Variants in ZFP1 observed in about 807,000 individuals in gnomAD.
ZFP1 encodes the protein ZFP1 zinc finger protein, also known as zinc finger protein 1 homolog.
In ZFP1, 32 loss-of-function variants were observed where a neutral mutation model predicts 38.5. The ratio of observed to expected loss-of-function variants is 0.83; its 90% CI spans 0.63 to 1.12. The LOEUF (loss-of-function observed/expected upper bound fraction) is 1.12, where lower values mean the gene tolerates loss of function less well. Ranked by LOEUF, ZFP1 falls within the 50% of genes most tolerant of loss-of-function variation. The pLI is 0.00. For synonymous variants in ZFP1, 245 were observed against 168.8 expected (o/e 1.45, Z -3.50); for missense variants, 616 against 480.8 (o/e 1.28, Z -2.63).
the ZFP1 span, among the ~76,000 whole-genome samples, chr16:75,132,942 A>G: frequency 1.3e-5 from 2 of 150,462 alleles, no homozygotes; most frequent in Admixed American, 6.7e-5. Context: ...TACAGGCATG[A>G]GCCACCACGC....
At chr16:75,146,162 AT>A (rs201868781), upstream of ZFP1, among the ~76,000 whole-genome samples, 25,860 of 141,440 alleles carry the variant, frequency 0.18, 2,882 homozygotes, top group East Asian at 0.6. Flanking sequence ...AACCATGCTA[AT>A]TTTTTTTTTT....
chr16:75,158,521 AT>A (rs920614259), intron 2 of ZFP1, among the ~76,000 whole-genome samples: 1 of 146,922 alleles, frequency 6.8e-6, no homozygotes. Flanking sequence ...AATTTTTTTT[AT>A]TTTTTTTGTC....
the ZFP1 span, among the ~76,000 whole-genome samples, chr16:75,123,475 A>G: frequency 0.15 from 18,591 of 120,792 alleles, 2,852 homozygotes; most frequent in East Asian, 0.57. Flanking sequence ...ATATATATAT[A>G]TATATATATA....
chr16:75,128,029 C>G, the ZFP1 span: 1 of 152,196 alleles, frequency 6.6e-6, no homozygotes, highest in African/African-American at 2.4e-5. Flanking sequence ...TAACAGGACA[C>G]CATTGGAGAA....
At position 75,155,487 on chromosome 16, in the gene ZFP1, T is replaced by C. The variant is rs908649948; in HGVS notation, c.15+2521T>C. On this transcript the variant is annotated intron_variant, in intron 2 of 3. Coordinates refer to ENST00000570010, the MANE Select transcript of ZFP1 (RefSeq NM_153688.4). The stretch of plus-strand genomic sequence containing the variant: ...GTAACATATCTTTGAAGTATTTCCA[T>C]ATCAGAGCATAGAGGTTGCTCATTC... Among the ~76,000 whole-genome samples, 7 of 152,226 alleles carry C rather than the reference T, an allele frequency of 4.6e-5. No individual in the cohort carries two copies. In the East Asian group the frequency reaches 1.3e-3, roughly 29 times the overall value.
Position 75,155,819 on chromosome 16 carries a change from A to G in ZFP1, c.15+2853A>G, listed in dbSNP as rs1190560176. On this transcript the variant is annotated intron_variant, in intron 2 of 3. Coordinates refer to ENST00000570010, the MANE Select transcript of ZFP1 (RefSeq NM_153688.4). ...TCTTAATGTAATATTCAGTTGATAA[A>G]CTATAACTGGGATTAATATCACTTA... Among the ~76,000 whole-genome samples, 3 of 152,198 alleles carry G rather than the reference A, an allele frequency of 2.0e-5. No individual in the cohort carries two copies. In the East Asian group the frequency reaches 5.8e-4, roughly 29 times the overall value.
At chr16:75,152,301 T>A (rs1326970732) in intron 1 of ZFP1, among the ~76,000 whole-genome samples, 2 of 152,186 alleles carry the variant, frequency 1.3e-5, no homozygotes, top group Admixed American at 1.3e-4. Context: ...AATACTTCTT[T>A]TCTCCTTTTG....
In ZFP1 at chr16:75,169,550, A is replaced by T. The variant is rs1567543164; in HGVS notation, c.440A>T (p.Glu147Val). 2 of 1,612,430 alleles carry T rather than the reference A, an allele frequency of 1.2e-6. No individual in the cohort carries two copies. Among genetic ancestry groups the T allele is most frequent in the Non-Finnish European group, 1.7e-6 (2 of 1,179,676 alleles). Residue 147 changes from glutamate to valine, a missense_variant, in exon 4 of 4, where the codon GAG becomes GTG. By Grantham distance (121) the Glu-to-Val change is moderately radical. Coordinates refer to ENST00000570010, the MANE Select transcript of ZFP1 (RefSeq NM_153688.4). ...AAAGCACTTCTCTACCTGAAGCAAG[A>T]GAAAACCCACAGTGGAGTAGAATAT... ...FGKALLYLKQ[E>V]KTHSGVEYSE...
chr16:75,133,485 A>G, the ZFP1 span, among the ~76,000 whole-genome samples: 1 of 152,074 alleles, frequency 6.6e-6, no homozygotes, highest in African/African-American at 2.4e-5. Flanking sequence ...ATAAATTCTT[A>G]TCATTTAGCT....
At chr16:75,130,824 T>G in the ZFP1 span, among the ~76,000 whole-genome samples, 1 of 152,114 alleles carries the variant, frequency 6.6e-6, no homozygotes, top group East Asian at 1.9e-4. Context: ...ATTCTTTTTT[T>G]TTTTTTGGTT....
the ZFP1 span, among the ~76,000 whole-genome samples, chr16:75,135,217 A>AAAAAAAAAAC: frequency 8.4e-5 from 2 of 23,694 alleles, no homozygotes; most frequent in South Asian, 1.0e-3. Context: ...CTCAAAAAAA[A>AAAAAAAAAAC]AAAAAAAAAA....
chr16:75,168,389 G>A (rs1323140209), intron 3 of ZFP1, among the ~76,000 whole-genome samples: 1 of 151,520 alleles, frequency 6.6e-6, no homozygotes, highest in African/African-American at 2.4e-5. Context: ...AATATTGAGA[G>A]TATCCCTTGA....
intron 2 of ZFP1, among the ~76,000 whole-genome samples, chr16:75,166,372 T>TA (rs1276407692): frequency 1.1e-4 from 17 of 152,178 alleles, no homozygotes; most frequent in African/African-American, 4.1e-4. Context: ...TAGCTGGGAG[T>TA]ACAGGCATGT....
At chr16:75,143,999 G>A (rs927357369), upstream of ZFP1, 7 of 152,122 alleles carry the variant, frequency 4.6e-5, no homozygotes, top group Non-Finnish European at 1.0e-4. Flanking sequence ...ATAATAAAAG[G>A]TGTCAACATT....
chr16:75,129,972 G>A, the ZFP1 span, among the ~76,000 whole-genome samples: 30 of 152,264 alleles, frequency 2.0e-4, no homozygotes, highest in African/African-American at 6.7e-4. Context: ...CAAGTGTGTG[G>A]TTTGACCTTT....
In ZFP1 at chr16:75,148,986, A is replaced by T. The variant is rs897671444; in HGVS notation, c.-44+343A>T. On this transcript the variant is annotated intron_variant, in intron 1 of 3. Coordinates refer to ENST00000570010, the MANE Select transcript of ZFP1 (RefSeq NM_153688.4). ...CCGGCGGGCGCGCGCGCGCGGGACG[A>T]GGCCCCGCCGGGGCGTGGTGGGGGC... 2.0e-4 allele frequency: 31 copies of T among 151,392 alleles called. 1 individual carries two copies. The highest frequency in any genetic ancestry group is 7.0e-4 in the African/African-American group (29 of 41,316). 9.4% of individuals were successfully genotyped at this position (151,392 alleles called of 1,614,324 possible). A position where few individuals can be genotyped will look rare whatever the true frequency, so the allele number is the denominator to read the frequency against.
At chr16:75,140,123 C>T in the ZFP1 span, among the ~76,000 whole-genome samples, 2 of 151,998 alleles carry the variant, frequency 1.3e-5, no homozygotes, top group African/African-American at 4.8e-5. Flanking sequence ...ACAAAACTAG[C>T]CGGGCGTGGT....
chr16:75,165,101 G>A (rs889448123), intron 2 of ZFP1, among the ~76,000 whole-genome samples: 2 of 151,966 alleles, frequency 1.3e-5, no homozygotes, highest in Non-Finnish European at 2.9e-5. Context: ...CATCGCGCCC[G>A]GCCTCCATAA....
At chr16:75,131,630 T>C in the ZFP1 span, among the ~76,000 whole-genome samples, 26 of 152,148 alleles carry the variant, frequency 1.7e-4, no homozygotes, top group African/African-American at 5.8e-4. Context: ...TGAGTTTATA[T>C]GTCCACCTCG....
Sources: gnomAD v4.1 joint callset for allele counts (sites outside exome capture counted in the v4.1 genomes callset) on GRCh38, gnomAD v4.1.1 for gene constraint, MANE v1.5 for transcripts, NCBI Gene and HGNC (gene_info 2026-07-23, HGNC 2026-07-21) for gene names.